The following SNX30 variants were observed in gnomAD, a reference collection of about 807,000 sequenced individuals.
SNX30 encodes the protein sorting nexin-30.
SNX30 carries 24 observed loss-of-function variants against 46.4 expected under a neutral mutation model. The ratio of observed to expected loss-of-function variants is 0.52; its 90% CI spans 0.37 to 0.73. The LOEUF (loss-of-function observed/expected upper bound fraction) is 0.73, where lower values mean the gene tolerates loss of function less well. SNX30 is among the 30% of genes least tolerant of loss of function. The pLI is 0.00. For synonymous variants in SNX30, 189 were observed against 211.5 expected, an observed-to-expected ratio of 0.89 and a Z score of 0.92; for missense variants, 533 against 555.7, an observed-to-expected ratio of 0.96 and a Z score of 0.41.
downstream of SNX30, among the ~76,000 whole-genome samples, chr9:112,883,189 A>G (rs1297199027): frequency 2.0e-5 from 3 of 152,204 alleles, no homozygotes; most frequent in Admixed American, 6.5e-5. Flanking sequence ...TGGGGGAGTG[A>G]GACAGCACGT....
chr9:112,815,711 T>C lies in SNX30; in HGVS notation c.349-1994T>C, dbSNP rs955950147. ...CAAAAAGTAGAGCCTTCCATCAGTT[T>C]GGTTTACAATGAAAACCAGTTGCTT... On this transcript the variant is annotated intron_variant, in intron 2 of 8. Coordinates refer to ENST00000374232, the MANE Select transcript of SNX30 (RefSeq NM_001012994.2). 2.6e-5 allele frequency among the ~76,000 whole-genome samples: 4 copies of C among 152,236 alleles called. No homozygotes were observed. The East Asian group carries it at 7.7e-4, about 29-fold the overall frequency.
intron 6 of SNX30, among the ~76,000 whole-genome samples, chr9:112,849,943 C>T (rs1840997500): frequency 1.3e-5 from 2 of 152,214 alleles, no homozygotes; most frequent in Non-Finnish European, 2.9e-5. Flanking sequence ...GAAAGAAACT[C>T]GTTGATGAAA....
chr9:112,866,351 A>T (rs929212926), intron 8 of SNX30: 1 of 430,604 alleles, frequency 2.3e-6, no homozygotes, highest in Non-Finnish European at 4.8e-6. Flanking sequence ...TCAGAGACAG[A>T]GGCTTGGAAA....
chr9:112,862,778 G>A (rs1199521648), intron 7 of SNX30, among the ~76,000 whole-genome samples: 1 of 151,954 alleles, frequency 6.6e-6, no homozygotes. Context: ...GCCCAGGCTG[G>A]TCTCAAATTC....
rs145706382 is a variant in SNX30 at position 112,788,864 on chromosome 9, C to T, written c.157-15912C>T. Among the ~76,000 whole-genome samples, 908 of 152,288 alleles carry T rather than the reference C, an allele frequency of 6.0e-3. 9 individuals are homozygous for T. The highest frequency in any genetic ancestry group is 9.5e-3 in the Admixed American group (146 of 15,304). On this transcript the variant is annotated intron_variant, in intron 1 of 8. Transcript: ENST00000374232. ...AGGCTGGAGTGCAGTGGCACGATCT[C>T]GGCTCACCACAGCCTCAACCTCCTG...
At chr9:112,826,894 G>C (rs935093272) in intron 3 of SNX30, among the ~76,000 whole-genome samples, 1 of 152,178 alleles carries the variant, frequency 6.6e-6, no homozygotes, top group Non-Finnish European at 1.5e-5. Context: ...GGCCAGCATC[G>C]GGCTGAGTGG....
At position 112,855,248 on chromosome 9, in the gene SNX30, A is replaced by T. The variant is rs557818721; in HGVS notation, c.1101+4303A>T. ...TTTTTAAAAAGCCAGGGAATTCGGAAGTGGGTTAGGGCTGATTCTATCCCA... is the reference window on the plus strand; with the variant it reads ...TTTTTAAAAAGCCAGGGAATTCGGATGTGGGTTAGGGCTGATTCTATCCCA... On this transcript the variant is annotated intron_variant, in intron 7 of 8. Coordinates refer to ENST00000374232, the MANE Select transcript of SNX30 (RefSeq NM_001012994.2). Among the ~76,000 whole-genome samples the T allele has an allele frequency of 2.2e-3, 338 of 152,130 alleles. 5 individuals are homozygous for T. The highest frequency in any genetic ancestry group is 7.9e-3 in the African/African-American group (328 of 41,476).
In SNX30 at chr9:112,798,126, T is replaced by C. The variant is rs1447613624; in HGVS notation, c.157-6650T>C. ...AGGTTTGTTTTTTTTTTTTTCTTTT[T>C]TTTTTTTTTTTTTTATTATACTCTA... is the stretch of plus-strand genomic sequence containing the variant. On this transcript the variant is annotated intron_variant, in intron 1 of 8. Coordinates refer to ENST00000374232, the MANE Select transcript of SNX30 (RefSeq NM_001012994.2). 7.9e-3 allele frequency among the ~76,000 whole-genome samples: 452 copies of C among 56,998 alleles called. 2 individuals carry two copies. The highest frequency in any genetic ancestry group is 0.022 in the African/African-American group (438 of 19,662). 37.4% of individuals were successfully genotyped at this position (56,998 alleles called of 152,430 possible). A position where few individuals can be genotyped will look rare whatever the true frequency, so the allele number is the denominator to read the frequency against.
At chr9:112,777,908 A>G (rs1373653408) in intron 1 of SNX30, among the ~76,000 whole-genome samples, 1 of 152,180 alleles carries the variant, frequency 6.6e-6, no homozygotes, top group African/African-American at 2.4e-5. Flanking sequence ...TAACCACCCC[A>G]AAACTAAGTA....
At chr9:112,764,316 G>A (rs1467365952) in intron 1 of SNX30, among the ~76,000 whole-genome samples, 2 of 152,182 alleles carry the variant, frequency 1.3e-5, no homozygotes, top group Admixed American at 6.5e-5. Flanking sequence ...GGTCTGTAGT[G>A]GCAAATAGTA....
rs1841500628 is a variant in SNX30 at position 112,874,843 on chromosome 9, T to A, written c.*6000T>A. 1 of 152,046 alleles carries A rather than the reference T, an allele frequency of 6.6e-6. No individual in the cohort carries two copies. Among genetic ancestry groups the A allele is most frequent in the South Asian group, 2.1e-4 (1 of 4,798 alleles). 9.4% of individuals were successfully genotyped at this position (152,046 alleles called of 1,614,324 possible). On this transcript the variant is annotated 3_prime_UTR_variant, in exon 9 of 9. Coordinates refer to ENST00000374232, the MANE Select transcript of SNX30 (RefSeq NM_001012994.2). Reference sequence around the variant, plus strand: ...TTTCATATATCTGTGTATAAAAAAATTGTTGTTTACTATGGAATTAGTATT... The same window carrying A: ...TTTCATATATCTGTGTATAAAAAAAATGTTGTTTACTATGGAATTAGTATT...
At chr9:112,788,921 C>T (rs1839973561) in intron 1 of SNX30, among the ~76,000 whole-genome samples, 1 of 152,114 alleles carries the variant, frequency 6.6e-6, no homozygotes, top group Non-Finnish European at 1.5e-5. Context: ...TCAGCCTCCC[C>T]AGTAGATGGG....
At chr9:112,755,755 G>A (rs999162053) in intron 1 of SNX30, among the ~76,000 whole-genome samples, 4 of 151,946 alleles carry the variant, frequency 2.6e-5, no homozygotes, top group Admixed American at 2.6e-4. Context: ...GTATTCCAGT[G>A]ATGTCGGGGA....
intron 8 of SNX30, among the ~76,000 whole-genome samples, chr9:112,864,984 C>T (rs573135941): frequency 1.7e-3 from 129 of 75,790 alleles, no homozygotes; most frequent in Non-Finnish European, 1.5e-3. Flanking sequence ...CACGCACATG[C>T]GCGTGCACAC....
rs1588142978 is a variant in SNX30, at chr9:112,864,407, G to C, written c.1254+8G>C. 1 of 1,614,074 alleles carries C rather than the reference G, an allele frequency of 6.2e-7. No homozygotes were observed. Among genetic ancestry groups the C allele is most frequent in the East Asian group, 2.2e-5 (1 of 44,892 alleles). ...ATCCAGTATTATGAGAAGGTAATGA[G>C]TGTGCCCAACAAGACTGGTTTCTAA... On this transcript the variant is annotated splice_region_variant and intron_variant, in intron 8 of 8. Transcript: ENST00000374232.
chr9:112,843,044 T>C (rs1323852955), intron 6 of SNX30, among the ~76,000 whole-genome samples: 2 of 152,176 alleles, frequency 1.3e-5, no homozygotes, highest in Admixed American at 6.5e-5. Context: ...AGGGTAGTGA[T>C]GGGTTGAAAG....
intron 3 of SNX30, among the ~76,000 whole-genome samples, chr9:112,827,840 T>TA (rs1282581907): frequency 1.3e-5 from 2 of 152,198 alleles, no homozygotes; most frequent in Admixed American, 6.5e-5. Context: ...ATTTACCACT[T>TA]ACCGTATTAA....
At chr9:112,838,313 T>C (rs183969532) in intron 5 of SNX30, among the ~76,000 whole-genome samples, 185 bp from the exon 6 acceptor site, 36 of 152,346 alleles carry the variant, frequency 2.4e-4, no homozygotes, top group Non-Finnish European at 4.6e-4. Context: ...ACATGAGCTG[T>C]CAGAGGTTTT....
chr9:112,836,167 C>T (rs6477961), intron 4 of SNX30, 47 bp from the exon 5 acceptor site: 1,214,204 of 1,519,554 alleles, frequency 0.8, 487,070 homozygotes, highest in South Asian at 0.86. Flanking sequence ...TAGTCCTGCC[C>T]ATGTGAGTGA....
Sources: gnomAD v4.1 joint callset for allele counts (sites outside exome capture counted in the v4.1 genomes callset) on GRCh38, gnomAD v4.1.1 for gene constraint, MANE v1.5 for transcripts, NCBI Gene and HGNC (gene_info 2026-07-23, HGNC 2026-07-21) for gene names.